WFDC3: variants seen among roughly 807,000 people sequenced by gnomAD.
The protein encoded by WFDC3 is WAP four-disulfide core domain protein 3.
A neutral mutation model predicts 25.8 loss-of-function variants in WFDC3; 15 were observed. The ratio of observed to expected loss-of-function variants is 0.58; its 90% CI spans 0.39 to 0.89. WFDC3 has a LOEUF of 0.89. WFDC3 is among the 40% of genes least tolerant of loss of function. WFDC3 has a pLI of 0.00. For missense variants in WFDC3, 264 were observed against 289.8 expected (o/e 0.91, Z 0.65); for synonymous variants, 103 against 107.1 (o/e 0.96, Z 0.24).
intron 5 of WFDC3, among the ~76,000 whole-genome samples, chr20:45,776,389 C>T (rs1235936073): frequency 5.5e-5 from 8 of 146,072 alleles, no homozygotes; most frequent in Non-Finnish European, 1.0e-4. Flanking sequence ...AGGCAGATCA[C>T]GAGGTCAGGA....
At chr20:45,776,794 G>A (rs768841579) in intron 5 of WFDC3, among the ~76,000 whole-genome samples, 1 of 151,654 alleles carries the variant, frequency 6.6e-6, no homozygotes, top group Non-Finnish European at 1.5e-5. Context: ...TCAAAAAGAC[G>A]GGTTTGCTTA....
rs3080047 is a variant in WFDC3 at position 45,776,278 on chromosome 20, CTGTGTGTG to C, written c.494-684_494-677del. Among the ~76,000 whole-genome samples the C allele has an allele frequency of 2.5e-3, 257 of 102,032 alleles. 2 individuals carry two copies. The highest frequency in any genetic ancestry group is 4.9e-3 in the Middle Eastern group (1 of 206). The allele number at this position is 102,032 out of a possible 152,430, so 66.9% of individuals were successfully genotyped here. A position where few individuals can be genotyped will look rare whatever the true frequency, so the allele number is the denominator to read the frequency against. On this transcript the variant is annotated intron_variant, in intron 5 of 6. Transcript: ENST00000243938. ...CATTGGAACAGGAATGCTTTTATCTCTGTGTGTGTGTGTGTGTGTGTGTGTGTGTGTGT... is the reference window on the plus strand; with the variant it reads ...CATTGGAACAGGAATGCTTTTATCTCTGTGTGTGTGTGTGTGTGTGTGTGT...
intron 1 of WFDC3, 73 bp from the exon 2 acceptor site, chr20:45,790,055 G>T: frequency 8.1e-7 from 1 of 1,227,280 alleles, no homozygotes; most frequent in South Asian, 1.2e-5. Context: ...TGAGGTATGA[G>T]CAGGACTAGG....
intron 4 of WFDC3, among the ~76,000 whole-genome samples, chr20:45,779,680 G>A (rs924534003): frequency 9.9e-5 from 15 of 152,040 alleles, no homozygotes; most frequent in African/African-American, 1.9e-4. Context: ...GGAAAAACCC[G>A]GTGACATAAA....
rs756467805 is a variant in WFDC3, at chr20:45,775,433, C to A, written c.663G>T (p.Arg221Ser). The stretch of plus-strand genomic sequence containing the variant: ...TGTACTCACCTAATTCGGAATCAGA[C>A]CTCACAGTCCAGTTGGGGTTCATGG... ...KLTMNPNWTV[R>S]SDSELEIPVP Residue 221 changes from arginine (R) to serine (S), a missense_variant, in exon 6 of 7, where the codon AGG becomes AGT. Arg to Ser is a moderately radical substitution (Grantham distance 110, BLOSUM62 -1). Coordinates refer to ENST00000243938, the MANE Select transcript of WFDC3 (RefSeq NM_080614.2). 2.5e-6 allele frequency: 4 copies of A among 1,613,994 alleles called. No individual in the cohort carries two copies. Among genetic ancestry groups the A allele is most frequent in the East Asian group, 2.2e-5 (1 of 44,888 alleles).
In WFDC3 at chr20:45,776,660, A is replaced by ATGTGTG. The variant is rs1555812785; in HGVS notation, c.493+409_493+414dup. On this transcript the variant is annotated intron_variant, in intron 5 of 6. Transcript: ENST00000243938. ...AATATATATATATATATATATATATATGTGTGTGTGTGTTTCCAACTAAGA... is the reference window on the plus strand; with the variant it reads ...AATATATATATATATATATATATATATGTGTGTGTGTGTGTGTGTTTCCAACTAAGA... 4.6e-3 allele frequency among the ~76,000 whole-genome samples: 429 copies of ATGTGTG among 93,216 alleles called. 3 individuals carry two copies. Among genetic ancestry groups the ATGTGTG allele is most frequent in the Non-Finnish European group, 6.7e-3 (343 of 50,956 alleles). The allele number at this position is 93,216 out of a possible 152,430, so 61.2% of individuals were successfully genotyped here.
rs763424648 is a variant in WFDC3, at chr20:45,787,873, G to A, written c.321C>T (p.Asn107=). The change falls in exon 4 of 7, where the codon AAC becomes AAT. Residue 107 remains asparagine (N), a synonymous_variant. Coordinates refer to ENST00000243938, the MANE Select transcript of WFDC3 (RefSeq NM_080614.2). ...TAGAGATTGGGACTACACAGCTCTT[G>A]TTGCAGCCAAGCGTGCAGCATTTCT... ...GVKKCCTLGC[N]KSCVVPISKQ... 1.9e-6 allele frequency: 3 copies of A among 1,613,994 alleles called. No individual in the cohort carries two copies. Among genetic ancestry groups the A allele is most frequent in the Non-Finnish European group, 2.5e-6 (3 of 1,180,020 alleles).
In WFDC3 at chr20:45,788,992, A is replaced by G. The variant is rs1168830086; in HGVS notation, c.150T>C (p.Cys50=). ...CKELCQGDEL[C]PAEQKCCTTG... ...TGGTGCAGCACTTCTGTTCAGCCGG[A>G]CACAATTCATCACCCTGGCACAGCT... Residue 50 remains cysteine (C), a synonymous_variant, in exon 3 of 7, where the codon TGT becomes TGC. Coordinates refer to ENST00000243938, the MANE Select transcript of WFDC3 (RefSeq NM_080614.2). 1 of 1,613,946 alleles carries G rather than the reference A, an allele frequency of 6.2e-7. No homozygotes were observed. Among genetic ancestry groups the G allele is most frequent in the East Asian group, 2.2e-5 (1 of 44,854 alleles).
intron 4 of WFDC3, among the ~76,000 whole-genome samples, chr20:45,786,562 T>C (rs748948113): frequency 1.1e-4 from 17 of 152,194 alleles, no homozygotes; most frequent in South Asian, 2.1e-4. Context: ...AAAGCGGGCA[T>C]GGGATCTACC....
intron 4 of WFDC3, among the ~76,000 whole-genome samples, chr20:45,784,281 T>C (rs1321692600): frequency 1.3e-5 from 2 of 152,170 alleles, no homozygotes; most frequent in African/African-American, 4.8e-5. Context: ...GATAGCTGCC[T>C]AAGCCGGGCA....
Position 45,787,816 on chromosome 20 carries a change from GT to G in WFDC3, c.358+19del. 1 of 1,607,076 alleles carries G rather than the reference GT, an allele frequency of 6.2e-7. No homozygotes were observed. The highest frequency in any genetic ancestry group is 2.2e-5 in the East Asian group (1 of 44,714). On this transcript the variant is annotated intron_variant, in intron 4 of 6. Coordinates refer to ENST00000243938, the MANE Select transcript of WFDC3 (RefSeq NM_080614.2). The stretch of plus-strand genomic sequence containing the variant: ...AAGCAGACCAAACAGACCATGAGGT[GT>G]GGGGACAGCGTTTCTTACCCAGCTT...
chr20:45,790,034 A>C (rs545567900), intron 1 of WFDC3, 52 bp from the exon 2 acceptor site: 1 of 1,480,214 alleles, frequency 6.8e-7, no homozygotes, highest in African/African-American at 1.4e-5. Flanking sequence ...CACCTTGCCC[A>C]GAGTATCAGC....
At chr20:45,787,771 T>C in intron 4 of WFDC3, 65 bp downstream of exon 4, 1 of 1,538,364 alleles carries the variant, frequency 6.5e-7, no homozygotes, top group South Asian at 1.3e-5. Context: ...AGCTGATATG[T>C]GCATATTTGA....
At chr20:45,784,220 T>A (rs970662291) in intron 4 of WFDC3, among the ~76,000 whole-genome samples, 1 of 151,970 alleles carries the variant, frequency 6.6e-6, no homozygotes, top group East Asian at 1.9e-4. Flanking sequence ...GCCTCAAGAG[T>A]CCTGGCAAGG....
intron 1 of WFDC3, 65 bp from the exon 2 acceptor site, chr20:45,790,047 A>G: frequency 7.6e-7 from 1 of 1,311,570 alleles, no homozygotes; most frequent in Non-Finnish European, 1.1e-6. Context: ...GTATCAGCTG[A>G]GGTATGAGCA....
intron 3 of WFDC3, 182 bp from the exon 4 acceptor site, chr20:45,788,164 G>T (rs1161243398): frequency 2.0e-6 from 1 of 503,766 alleles, no homozygotes; most frequent in Non-Finnish European, 3.3e-6. Flanking sequence ...TTAGTCGGGG[G>T]TGGTGGCACA....
rs183542475 is a variant in WFDC3, at chr20:45,782,481, G to A, written c.359-5272C>T. ...CAACCTCCACCTCCTAGGTTCAAGC[G>A]ATTCTCCTGCCTCAGCCTCCCGAGT... is the stretch of plus-strand genomic sequence containing the variant. On this transcript the variant is annotated intron_variant, in intron 4 of 6. Transcript: ENST00000243938. 9.8e-3 allele frequency among the ~76,000 whole-genome samples: 1,496 copies of A among 151,894 alleles called. 26 individuals carry two copies. Among genetic ancestry groups the A allele is most frequent in the South Asian group, 0.058 (280 of 4,806 alleles).
intron 5 of WFDC3, 122 bp downstream of exon 5, chr20:45,776,953 G>A: frequency 6.5e-7 from 1 of 1,528,244 alleles, no homozygotes; most frequent in Non-Finnish European, 8.9e-7. Flanking sequence ...AGAATGGGTT[G>A]CTTTGGGTTG....
rs76083103 is a variant in WFDC3 at position 45,775,445 on chromosome 20, G to T, written c.651C>A (p.Asn217Lys). ...ATTCGGAATCAGACCTCACAGTCCA[G>T]TTGGGGTTCATGGTCAGTTTTGGGG... ...VLPPKLTMNPNWTVRSDSELE... is the reference protein window; with the variant it reads ...VLPPKLTMNPKWTVRSDSELE... Residue 217 changes from asparagine (N) to lysine (K), a missense_variant, in exon 6 of 7, where the codon AAC (asparagine) becomes AAA (lysine). Asn to Lys is a moderately conservative substitution (Grantham distance 94). Transcript: ENST00000243938. 6.2e-7 allele frequency: 1 copy of T among 1,614,220 alleles called. No homozygotes were observed. Among genetic ancestry groups the T allele is most frequent in the Non-Finnish European group, 8.5e-7 (1 of 1,180,046 alleles).
Sources: allele counts gnomAD v4.1 joint callset (sites outside exome capture counted in the v4.1 genomes callset), GRCh38; gene constraint gnomAD v4.1.1; transcripts MANE v1.5; gene names NCBI Gene and HGNC (gene_info 2026-07-23, HGNC 2026-07-21).